Variants in CYP4Z1 observed in about 807,000 individuals in gnomAD.
CYP4Z1 encodes the protein cytochrome P450 4Z1.
A neutral mutation model predicts 54.2 loss-of-function variants in CYP4Z1; 41 were observed. That is an observed-to-expected ratio of 0.76 (90% confidence interval 0.59 to 0.98). The LOEUF is 0.98. Among genes scored for constraint, CYP4Z1 ranks in the 50% least tolerant of loss-of-function variants. The pLI is 0.00. For synonymous variants in CYP4Z1, 163 were observed against 206.2 expected (o/e 0.79, Z 1.79); for missense variants, 513 against 599.0 (o/e 0.86, Z 1.50).
At chr1:47,064,964 T>A (rs572409044), upstream of CYP4Z1, among the ~76,000 whole-genome samples, 3 of 152,292 alleles carry the variant, frequency 2.0e-5, no homozygotes, top group East Asian at 5.8e-4. Context: ...CATTATATAA[T>A]GATAAAAGGA....
chr1:47,071,252 A>G (rs1644487113), intron 2 of CYP4Z1, among the ~76,000 whole-genome samples: 1 of 148,714 alleles, frequency 6.7e-6, no homozygotes, highest in Non-Finnish European at 1.5e-5. Flanking sequence ...AAATACAAAA[A>G]TTAGCCAGGC....
intron 2 of CYP4Z1, among the ~76,000 whole-genome samples, chr1:47,079,243 G>T (rs1644546585): frequency 6.6e-6 from 1 of 152,108 alleles, no homozygotes; most frequent in Non-Finnish European, 1.5e-5. Flanking sequence ...ACTGGAGAGG[G>T]ATGTGGGGCA....
chr1:47,086,906 A>C (rs1287875297), intron 6 of CYP4Z1, among the ~76,000 whole-genome samples: 1 of 152,178 alleles, frequency 6.6e-6, no homozygotes, highest in South Asian at 2.1e-4. Flanking sequence ...TCAGCTTTCT[A>C]CATATGGCTA....
the CYP4Z1 span, among the ~76,000 whole-genome samples, chr1:47,055,900 T>G: frequency 5.3e-4 from 81 of 152,302 alleles, no homozygotes; most frequent in African/African-American, 1.7e-3. Context: ...TTTGAAGGGT[T>G]TTTTATGTCT....
At chr1:47,065,068 C>T (rs1644442461), upstream of CYP4Z1, among the ~76,000 whole-genome samples, 1 of 152,096 alleles carries the variant, frequency 6.6e-6, no homozygotes, top group East Asian at 1.9e-4. Context: ...CGATAAACAA[C>T]AACACAATAA....
At chr1:47,086,980 G>A (rs1644600165) in intron 6 of CYP4Z1, among the ~76,000 whole-genome samples, 2 of 152,092 alleles carry the variant, frequency 1.3e-5, no homozygotes, top group Admixed American at 1.3e-4. Flanking sequence ...TTTTTGTCAG[G>A]TTTGTCAAAT....
Position 47,094,640 on chromosome 1 carries a change from G to C in CYP4Z1, c.847G>C (p.Asp283His). The stretch of plus-strand genomic sequence containing the variant: ...AGATACTACTCAGAAAAGGCGCTGG[G>C]ATTTTCTGGACATACTTTTGAGTGC... ...KQDTTQKRRW[D>H]FLDILLSAKS... The change falls in exon 7 of 12, where the codon GAT becomes CAT. Residue 283 changes from aspartate (D) to histidine (H), a missense_variant. Asp to His is a moderately conservative substitution (Grantham distance 81, BLOSUM62 -1). Coordinates refer to ENST00000334194, the MANE Select transcript of CYP4Z1 (RefSeq NM_178134.3). The C allele has an allele frequency of 6.2e-7, 1 of 1,611,306 alleles. No homozygotes were observed. The highest frequency in any genetic ancestry group is 8.5e-7 in the Non-Finnish European group (1 of 1,178,956).
intron 6 of CYP4Z1, among the ~76,000 whole-genome samples, chr1:47,092,506 A>G (rs1021290077): frequency 6.6e-6 from 1 of 151,102 alleles, no homozygotes; most frequent in Non-Finnish European, 1.5e-5. Flanking sequence ...AGAGTAATTG[A>G]GAGGGTTGGT....
chr1:47,105,137 C>CA (rs1274327851), intron 8 of CYP4Z1, among the ~76,000 whole-genome samples: 1 of 151,948 alleles, frequency 6.6e-6, no homozygotes, highest in East Asian at 1.9e-4. Flanking sequence ...AATGTGTGCC[C>CA]ACCCCTCTGC....
chr1:47,108,683 T>G (rs1644773435), intron 9 of CYP4Z1, among the ~76,000 whole-genome samples: 1 of 152,306 alleles, frequency 6.6e-6, no homozygotes, highest in Non-Finnish European at 1.5e-5. Context: ...CAAGTGCATA[T>G]TAAACATTTG....
At chr1:47,063,307 T>C (rs1424070537), upstream of CYP4Z1, among the ~76,000 whole-genome samples, 1 of 151,968 alleles carries the variant, frequency 6.6e-6, no homozygotes, top group African/African-American at 2.4e-5. Flanking sequence ...AAAAAAACAA[T>C]TCTGGTAATA....
At chr1:47,083,165 A>C (rs1644568107) in intron 4 of CYP4Z1, among the ~76,000 whole-genome samples, 1 of 152,136 alleles carries the variant, frequency 6.6e-6, no homozygotes, top group South Asian at 2.1e-4. Context: ...TTCTATACAC[A>C]GGATCTCAAT....
chr1:47,087,235 G>A (rs1644602720), intron 6 of CYP4Z1, among the ~76,000 whole-genome samples: 1 of 152,164 alleles, frequency 6.6e-6, no homozygotes, highest in South Asian at 2.1e-4. Context: ...TGTGAAGAAA[G>A]TCATTGGTAG....
intron 9 of CYP4Z1, among the ~76,000 whole-genome samples, chr1:47,112,517 C>G (rs1306361771): frequency 1.9e-5 from 1 of 52,428 alleles, no homozygotes; most frequent in Non-Finnish European, 3.4e-5. Flanking sequence ...ACATTGATAA[C>G]AAACCTACTA....
chr1:47,067,317 G>T lies in CYP4Z1; in HGVS notation c.-174G>T, dbSNP rs533054607. Reference sequence around the variant, plus strand: ...AGGTCTGCTGGCCAACATCTCAGCAGTTTTCACCCTGCAGACTTAATTAGG... The same window carrying T: ...AGGTCTGCTGGCCAACATCTCAGCATTTTTCACCCTGCAGACTTAATTAGG... On this transcript the variant is annotated 5_prime_UTR_variant, in exon 1 of 12. Transcript: ENST00000334194. 6.6e-6 allele frequency among the ~76,000 whole-genome samples: 1 copy of T among 152,310 alleles called. No homozygotes were observed. Among genetic ancestry groups the T allele is most frequent in the Non-Finnish European group, 1.5e-5 (1 of 68,018 alleles).
chr1:47,059,381 T>C, the CYP4Z1 span, among the ~76,000 whole-genome samples: 2 of 152,210 alleles, frequency 1.3e-5, no homozygotes, highest in Non-Finnish European at 2.9e-5. Flanking sequence ...TGGTTGAATA[T>C]ATAATCAAGG....
chr1:47,084,057 T>C (rs1644574263), intron 4 of CYP4Z1, among the ~76,000 whole-genome samples: 1 of 152,110 alleles, frequency 6.6e-6, no homozygotes, highest in Non-Finnish European at 1.5e-5. Flanking sequence ...AAAGTGAAAT[T>C]TTCTGGGATA....
intron 2 of CYP4Z1, among the ~76,000 whole-genome samples, chr1:47,072,909 T>C (rs1644492647): frequency 6.6e-6 from 1 of 152,084 alleles, no homozygotes. Context: ...CCCCTAGAAA[T>C]AGGCATTGTC....
In CYP4Z1 at chr1:47,099,174, A is replaced by G. The variant is rs765938695; in HGVS notation, c.957A>G (p.Thr319=). ...KTFMFAGHDT[T]SSAISWILYC... The stretch of plus-strand genomic sequence containing the variant: ...TCATGTTTGCAGGACATGACACCAC[A>G]TCCAGTGCTATCTCCTGGATCCTTT... Residue 319 remains threonine, a synonymous_variant, in exon 8 of 12, where the codon ACA becomes ACG. Transcript: ENST00000334194. 1.2e-6 allele frequency: 2 copies of G among 1,613,978 alleles called. No homozygotes were observed. The highest frequency in any genetic ancestry group is 2.2e-5 in the East Asian group (1 of 44,852).
Sources: gnomAD v4.1 joint callset for allele counts (sites outside exome capture counted in the v4.1 genomes callset) on GRCh38, gnomAD v4.1.1 for gene constraint, MANE v1.5 for transcripts, NCBI Gene and HGNC (gene_info 2026-07-23, HGNC 2026-07-21) for gene names.